DLGAP1: variants seen among roughly 807,000 people sequenced by gnomAD.
DLGAP1 encodes disks large-associated protein 1.
A neutral mutation model predicts 90.8 loss-of-function variants in DLGAP1; 11 were observed. The ratio of observed to expected loss-of-function variants is 0.12; its 90% confidence interval spans 0.08 to 0.20. The LOEUF is 0.20. Ranked by LOEUF, DLGAP1 falls within the 10% of genes least tolerant of loss-of-function variation. The pLI is 1.00. For synonymous variants in DLGAP1, 558 were observed against 540.7 expected, an observed-to-expected ratio of 1.03 and a Z score of -0.44; for missense variants, 1,050 against 1,333.8, an observed-to-expected ratio of 0.79 and a Z score of 3.31.
At chr18:4,452,478 T>A (rs543721664) in intron 1 of DLGAP1, among the ~76,000 whole-genome samples, 1 of 151,962 alleles carries the variant, frequency 6.6e-6, no homozygotes, top group South Asian at 2.1e-4. Flanking sequence ...ATTTTATATT[T>A]AAAAAAAATC....
At chr18:4,149,449 AC>A (rs1280168392) in intron 2 of DLGAP1, among the ~76,000 whole-genome samples, 1 of 152,238 alleles carries the variant, frequency 6.6e-6, no homozygotes, top group Admixed American at 6.5e-5. Context: ...AGGAGCTGCA[AC>A]AGATGCGGCT....
intron 1 of DLGAP1, among the ~76,000 whole-genome samples, chr18:4,276,659 T>C (rs2079423764): frequency 6.6e-6 from 1 of 151,830 alleles, no homozygotes; most frequent in Non-Finnish European, 1.5e-5. Flanking sequence ...TAAACAAATA[T>C]ATTTTCTCAT....
At chr18:3,764,148 TA>T (rs1157147550) in intron 5 of DLGAP1, among the ~76,000 whole-genome samples, 1 of 152,234 alleles carries the variant, frequency 6.6e-6, no homozygotes, top group Non-Finnish European at 1.5e-5. Flanking sequence ...AGGATTATTA[TA>T]ACAATTACGA....
intron 1 of DLGAP1, among the ~76,000 whole-genome samples, chr18:4,415,902 A>G (rs1345412003): frequency 3.3e-5 from 5 of 152,156 alleles, no homozygotes; most frequent in African/African-American, 1.2e-4. Context: ...TATATTGGTA[A>G]GTGCCTGAGA....
chr18:3,923,594 A>G (rs1414368627), intron 3 of DLGAP1, among the ~76,000 whole-genome samples: 2 of 152,172 alleles, frequency 1.3e-5, no homozygotes, highest in Non-Finnish European at 2.9e-5. Flanking sequence ...AATCTGGTTT[A>G]CATCGTGTTT....
At chr18:4,328,154 A>G (rs933209185) in intron 1 of DLGAP1, among the ~76,000 whole-genome samples, 2 of 151,958 alleles carry the variant, frequency 1.3e-5, no homozygotes, top group Non-Finnish European at 1.5e-5. Context: ...TCAATCACCT[A>G]TTGAGTTACT....
At chr18:4,417,087 G>C (rs970221163) in intron 1 of DLGAP1, among the ~76,000 whole-genome samples, 3 of 152,072 alleles carry the variant, frequency 2.0e-5, no homozygotes, top group Non-Finnish European at 4.4e-5. Context: ...AACTATTTTT[G>C]TAATATTACT....
intron 10 of DLGAP1, among the ~76,000 whole-genome samples, chr18:3,519,198 A>G (rs17802694): frequency 0.011 from 1,669 of 152,318 alleles, 17 homozygotes; most frequent in Non-Finnish European, 0.015. Flanking sequence ...ACGAAGGGTC[A>G]GAGCCCACCT....
intron 1 of DLGAP1, among the ~76,000 whole-genome samples, chr18:4,375,010 G>A (rs1465276653): frequency 6.6e-6 from 1 of 152,056 alleles, no homozygotes; most frequent in East Asian, 1.9e-4. Context: ...AGGATTTATT[G>A]CTTTTCAAAC....
At chr18:4,379,283 T>C (rs1242946303) in intron 1 of DLGAP1, among the ~76,000 whole-genome samples, 1 of 152,160 alleles carries the variant, frequency 6.6e-6, no homozygotes, top group Non-Finnish European at 1.5e-5. Context: ...CAGGAATAGC[T>C]GCTTTGTTCC....
At chr18:3,600,091 TA>T (rs1167411457) in intron 7 of DLGAP1, among the ~76,000 whole-genome samples, 3 of 152,090 alleles carry the variant, frequency 2.0e-5, no homozygotes, top group African/African-American at 4.8e-5. Flanking sequence ...AGCTAAGTTT[TA>T]AAAAACTGTT....
intron 9 of DLGAP1, among the ~76,000 whole-genome samples, chr18:3,558,456 C>A (rs879936035): frequency 6.6e-6 from 1 of 152,154 alleles, no homozygotes; most frequent in Non-Finnish European, 1.5e-5. Flanking sequence ...TGGTCTTGAA[C>A]TCCTGACCTC....
intron 1 of DLGAP1, among the ~76,000 whole-genome samples, chr18:4,317,243 T>C (rs886958939): frequency 5.9e-5 from 9 of 152,234 alleles, no homozygotes; most frequent in African/African-American, 2.2e-4. Context: ...CCTATTCATG[T>C]AGGGCCGTCA....
At chr18:4,257,973 A>ATATGTGTG in intron 1 of DLGAP1, among the ~76,000 whole-genome samples, 1 of 141,358 alleles carries the variant, frequency 7.1e-6, no homozygotes, top group South Asian at 2.2e-4. Flanking sequence ...AGTTATACAT[A>ATATGTGTG]TGTGTGTGTG....
chr18:4,044,822 G>A (rs2075025308), intron 2 of DLGAP1, among the ~76,000 whole-genome samples: 1 of 152,062 alleles, frequency 6.6e-6, no homozygotes, highest in South Asian at 2.1e-4. Flanking sequence ...AAAAGAAATA[G>A]TACTACAAAA....
At chr18:4,211,033 T>A (rs2077829975) in intron 1 of DLGAP1, among the ~76,000 whole-genome samples, 1 of 152,188 alleles carries the variant, frequency 6.6e-6, no homozygotes, top group Admixed American at 6.5e-5. Flanking sequence ...AAGAGAACAA[T>A]GTAGCTTTAT....
chr18:4,387,430 T>C (rs1181979907), intron 1 of DLGAP1, among the ~76,000 whole-genome samples: 3 of 152,248 alleles, frequency 2.0e-5, no homozygotes, highest in Non-Finnish European at 4.4e-5. Context: ...GTAATTGTGA[T>C]GGAAGTATAT....
chr18:4,271,224 G>C (rs2079272873), intron 1 of DLGAP1, among the ~76,000 whole-genome samples: 1 of 152,136 alleles, frequency 6.6e-6, no homozygotes, highest in Admixed American at 6.5e-5. Context: ...TTGGTCTGTG[G>C]TGAGTAGGCC....
At chr18:3,726,753 T>C (rs560525232) in intron 7 of DLGAP1, among the ~76,000 whole-genome samples, 6 of 152,344 alleles carry the variant, frequency 3.9e-5, no homozygotes, top group African/African-American at 7.2e-5. Context: ...TGGCATTTTA[T>C]GCATCACCAA....
Sources: gnomAD v4.1 joint callset for allele counts (sites outside exome capture counted in the v4.1 genomes callset) on GRCh38, gnomAD v4.1.1 for gene constraint, MANE v1.5 for transcripts, NCBI Gene and HGNC (gene_info 2026-07-23, HGNC 2026-07-21) for gene names.